KALRN: variants seen among roughly 807,000 people sequenced by gnomAD.
KALRN encodes kalirin.
A neutral mutation model predicts 353.7 loss-of-function variants in KALRN; 70 were observed. The observed-to-expected ratio is 0.20, with a 90% CI of 0.16 to 0.24. The LOEUF (loss-of-function observed/expected upper bound fraction) is 0.24, where lower values mean the gene tolerates loss of function less well. Ranked by LOEUF, KALRN falls within the 10% of genes least tolerant of loss-of-function variation. The pLI, the probability that KALRN is intolerant of heterozygous loss-of-function variation, is 1.00. For missense variants in KALRN, 2,791 were observed against 3,756.7 expected (o/e 0.74, Z 6.72); for synonymous variants, 1,391 against 1,434.8 (o/e 0.97, Z 0.69).
At chr3:124,444,256 G>A (rs757657851) in intron 19 of KALRN, among the ~76,000 whole-genome samples, 1 of 152,188 alleles carries the variant, frequency 6.6e-6, no homozygotes, top group South Asian at 2.1e-4. Flanking sequence ...GACCTGGGTC[G>A]AAGGGGCAGC....
chr3:124,221,961 C>G (rs890521773), intron 1 of KALRN, among the ~76,000 whole-genome samples: 1 of 152,176 alleles, frequency 6.6e-6, no homozygotes, highest in African/African-American at 2.4e-5. Flanking sequence ...GGGCGCACCC[C>G]TCCTTTCTGT....
At chr3:124,446,324 A>G (rs758294953) in intron 20 of KALRN, 48 bp downstream of exon 20, 1 of 1,382,606 alleles carries the variant, frequency 7.2e-7, no homozygotes, top group South Asian at 1.2e-5. Flanking sequence ...GGGAGCATAC[A>G]GAGGCCCATC....
chr3:124,044,868 T>C (rs2040315064), intron 1 of KALRN, among the ~76,000 whole-genome samples: 1 of 25,282 alleles, frequency 4.0e-5, no homozygotes, highest in African/African-American at 9.4e-5. Context: ...CCTCCTTCCT[T>C]CCTTCCTTCC....
intron 1 of KALRN, among the ~76,000 whole-genome samples, chr3:124,131,731 G>A (rs1429136247): frequency 1.3e-5 from 2 of 152,168 alleles, no homozygotes; most frequent in East Asian, 1.9e-4. Context: ...CTGCCGGGAG[G>A]TCAGCATCAC....
chr3:124,288,560 G>A (rs928255386), intron 5 of KALRN, among the ~76,000 whole-genome samples: 1 of 152,164 alleles, frequency 6.6e-6, no homozygotes, highest in African/African-American at 2.4e-5. Flanking sequence ...ACCTGGTTAG[G>A]AAGATTGGAT....
chr3:124,400,821 T>C (rs1271496596), intron 13 of KALRN, among the ~76,000 whole-genome samples: 5 of 152,206 alleles, frequency 3.3e-5, no homozygotes, highest in Admixed American at 3.3e-4. Context: ...GGAGAAATTA[T>C]GTTAGCAGGT....
intron 51 of KALRN, among the ~76,000 whole-genome samples, chr3:124,692,212 T>A (rs2061849756): frequency 6.6e-6 from 1 of 152,228 alleles, no homozygotes; most frequent in African/African-American, 2.4e-5. Context: ...AACCACTGAT[T>A]TAAAGATAGG....
At chr3:124,573,933 T>C (rs1484087793) in intron 34 of KALRN, among the ~76,000 whole-genome samples, 1 of 152,224 alleles carries the variant, frequency 6.6e-6, no homozygotes, top group African/African-American at 2.4e-5. Flanking sequence ...CATGACCTAT[T>C]CTCTGTCATT....
intron 4 of KALRN, among the ~76,000 whole-genome samples, chr3:124,265,992 G>GT (rs1249717249): frequency 6.6e-6 from 1 of 152,120 alleles, no homozygotes; most frequent in Non-Finnish European, 1.5e-5. Context: ...GCGTGTGCCT[G>GT]TAATCCAAGC....
Position 124,665,418 on chromosome 3 carries a change from T to C in KALRN, c.6346-1031T>C, listed in dbSNP as rs531051009. ...GCTAGGTGTCAGGTGGCCTAGTAGC[T>C]GGAATCATTTTTATTTTTTTATTTT... On this transcript the variant is annotated intron_variant, in intron 45 of 59. Coordinates refer to ENST00000682506, the MANE Select transcript of KALRN (RefSeq NM_001388419.1). Among the ~76,000 whole-genome samples, 3 of 152,362 alleles carry C rather than the reference T, an allele frequency of 2.0e-5. No individual in the cohort carries two copies. The South Asian group carries it at 6.2e-4, about 32-fold the overall frequency.
chr3:124,563,222 T>C, intron 34 of KALRN, 133 bp downstream of exon 34: 4 of 966,278 alleles, frequency 4.1e-6, no homozygotes, highest in Non-Finnish European at 5.6e-6. Context: ...CTTTGGGACC[T>C]GACTGTGAAG....
intron 10 of KALRN, among the ~76,000 whole-genome samples, chr3:124,352,194 T>C (rs1300071262): frequency 6.6e-6 from 1 of 152,126 alleles, no homozygotes; most frequent in African/African-American, 2.4e-5. Flanking sequence ...TTAGGTGTCA[T>C]CAAGAATATA....
At chr3:124,594,843 T>G (rs2076126992) in intron 34 of KALRN, among the ~76,000 whole-genome samples, 1 of 152,154 alleles carries the variant, frequency 6.6e-6, no homozygotes, top group African/African-American at 2.4e-5. Flanking sequence ...CCCCTCTTTT[T>G]CTTAGTTATG....
At chr3:124,393,753 A>C (rs1400211889) in intron 11 of KALRN, among the ~76,000 whole-genome samples, 2 of 152,238 alleles carry the variant, frequency 1.3e-5, no homozygotes, top group Non-Finnish European at 2.9e-5. Context: ...ACTAAGGCTC[A>C]GGAGGTTACT....
chr3:124,046,749 G>A (rs2040509718), intron 1 of KALRN, among the ~76,000 whole-genome samples: 1 of 152,092 alleles, frequency 6.6e-6, no homozygotes, highest in South Asian at 2.1e-4. Flanking sequence ...TGGCTTTAAG[G>A]CCTTTTGGAG....
intron 55 of KALRN, among the ~76,000 whole-genome samples, chr3:124,698,098 T>G (rs1043312178): frequency 6.6e-6 from 1 of 152,110 alleles, no homozygotes; most frequent in Non-Finnish European, 1.5e-5. Flanking sequence ...GCCTCCTGAG[T>G]AGCTGGGACT....
chr3:124,520,487 A>G (rs535898018), intron 33 of KALRN, among the ~76,000 whole-genome samples: 13 of 152,152 alleles, frequency 8.5e-5, no homozygotes, highest in Admixed American at 2.6e-4. Flanking sequence ...GGGGTCCCCA[A>G]CCCCTGGGCT....
At chr3:124,150,009 A>G (rs879321887) in intron 1 of KALRN, among the ~76,000 whole-genome samples, 4 of 152,234 alleles carry the variant, frequency 2.6e-5, no homozygotes, top group African/African-American at 4.8e-5. Flanking sequence ...ATGAATGCCA[A>G]GCTGTTAGAC....
In KALRN at chr3:124,528,868, A is replaced by G. The variant is rs79707481; in HGVS notation, c.4935+32455A>G. Among the ~76,000 whole-genome samples the G allele has an allele frequency of 6.8e-3, 1,043 of 152,292 alleles. 14 individuals carry two copies. The highest frequency in any genetic ancestry group is 0.027 in the Middle Eastern group (8 of 294). The stretch of plus-strand genomic sequence containing the variant: ...ATGTGGCTATGAGAAATCAAATGTA[A>G]TACTTGGTTATTTTCTATTTTCTTG... On this transcript the variant is annotated intron_variant, in intron 33 of 59. Transcript: ENST00000682506.
Sources: allele counts gnomAD v4.1 joint callset (sites outside exome capture counted in the v4.1 genomes callset), GRCh38; gene constraint gnomAD v4.1.1; transcripts MANE v1.5; gene names NCBI Gene and HGNC (gene_info 2026-07-23, HGNC 2026-07-21).